The following MACROD2 variants were observed in gnomAD, a reference collection of about 807,000 sequenced individuals.
MACROD2 encodes the protein ADP-ribose glycohydrolase MACROD2.
In MACROD2, 36 loss-of-function variants were observed where a neutral mutation model predicts 70.4. That is an observed-to-expected ratio of 0.51 (90% CI 0.39 to 0.68). The LOEUF is 0.68. MACROD2 is among the 30% of genes least tolerant of loss of function. The probability of loss-of-function intolerance (pLI) is 0.00; values close to 1 mark genes in which losing one functional copy is unlikely to be tolerated. For synonymous variants in MACROD2, 172 were observed against 178.8 expected, an observed-to-expected ratio of 0.96 and a Z score of 0.30; for missense variants, 496 against 538.4, an observed-to-expected ratio of 0.92 and a Z score of 0.78.
chr20:14,902,669 G>A (rs1164034949), intron 5 of MACROD2, among the ~76,000 whole-genome samples: 3 of 152,036 alleles, frequency 2.0e-5, no homozygotes, highest in Non-Finnish European at 4.4e-5. Context: ...GACGTGCTGA[G>A]AAAGACTGAA....
intron 7 of MACROD2, among the ~76,000 whole-genome samples, chr20:15,454,896 A>T (rs2046700897): frequency 6.6e-6 from 1 of 152,152 alleles, no homozygotes. Flanking sequence ...GTGATGGTGG[A>T]TACTTATTAA....
intron 5 of MACROD2, among the ~76,000 whole-genome samples, chr20:14,696,122 A>C (rs1312660914): frequency 3.3e-5 from 5 of 152,182 alleles, no homozygotes; most frequent in Non-Finnish European, 5.9e-5. Context: ...TACCATTATC[A>C]TAGGCAGCAT....
chr20:15,729,467 T>C (rs1201695830), intron 8 of MACROD2, among the ~76,000 whole-genome samples: 1 of 152,190 alleles, frequency 6.6e-6, no homozygotes, highest in East Asian at 1.9e-4. Context: ...GTGATCTGTC[T>C]AATAATGTCA....
chr20:15,436,816 A>AT (rs1177359200), intron 7 of MACROD2, among the ~76,000 whole-genome samples: 2 of 152,182 alleles, frequency 1.3e-5, no homozygotes, highest in African/African-American at 4.8e-5. Context: ...AACTCCCAAC[A>AT]TTTTTGTAAG....
At chr20:14,072,096 C>T (rs1341432189) in intron 2 of MACROD2, among the ~76,000 whole-genome samples, 2 of 152,122 alleles carry the variant, frequency 1.3e-5, no homozygotes, top group Non-Finnish European at 2.9e-5. Flanking sequence ...ATGTTATTTT[C>T]TAGTACTTGG....
At chr20:15,981,783 T>A (rs555762828) in intron 13 of MACROD2, among the ~76,000 whole-genome samples, 8 of 152,272 alleles carry the variant, frequency 5.3e-5, no homozygotes, top group Middle Eastern at 3.4e-3. Flanking sequence ...ATTGTTTTTT[T>A]AATTTTATTT....
intron 5 of MACROD2, among the ~76,000 whole-genome samples, chr20:14,857,890 G>A (rs568899541): frequency 2.0e-5 from 3 of 152,074 alleles, no homozygotes; most frequent in East Asian, 1.9e-4. Flanking sequence ...GTGCGATCTC[G>A]GCTCTCTGCA....
At chr20:15,506,873 C>T (rs1307698510) in intron 8 of MACROD2, among the ~76,000 whole-genome samples, 3 of 152,150 alleles carry the variant, frequency 2.0e-5, no homozygotes, top group African/African-American at 4.8e-5. Flanking sequence ...TCAGGAATGC[C>T]TTTTTATGTC....
chr20:15,918,395 T>A (rs2065351774), intron 10 of MACROD2, among the ~76,000 whole-genome samples: 2 of 152,250 alleles, frequency 1.3e-5, no homozygotes, highest in Admixed American at 1.3e-4. Flanking sequence ...GTATTTATCC[T>A]AACATTTTCA....
intron 3 of MACROD2, among the ~76,000 whole-genome samples, chr20:14,345,231 T>C (rs186913358): frequency 2.6e-5 from 4 of 152,312 alleles, no homozygotes; most frequent in East Asian, 3.9e-4. Flanking sequence ...ATATTTTATA[T>C]ATGAATTAAG....
chr20:15,414,651 G>A (rs1019890378), intron 6 of MACROD2, among the ~76,000 whole-genome samples: 5 of 152,058 alleles, frequency 3.3e-5, no homozygotes, highest in Admixed American at 1.3e-4. Context: ...CCTCTTCCTG[G>A]TTATCCTTAA....
intron 4 of MACROD2, among the ~76,000 whole-genome samples, chr20:14,591,039 C>A (rs528751761): frequency 6.6e-6 from 1 of 152,140 alleles, no homozygotes; most frequent in African/African-American, 2.4e-5. Context: ...ATTTTTCTAC[C>A]ATAGCAGTTA....
chr20:15,657,355 C>T (rs371777168), intron 8 of MACROD2, among the ~76,000 whole-genome samples: 1 of 152,136 alleles, frequency 6.6e-6, no homozygotes, highest in Admixed American at 6.5e-5. Context: ...AAAGAGAAAT[C>T]GAATTCGGCT....
At chr20:14,038,942 A>T (rs1379082732) in intron 2 of MACROD2, among the ~76,000 whole-genome samples, 1 of 152,096 alleles carries the variant, frequency 6.6e-6, no homozygotes, top group African/African-American at 2.4e-5. Context: ...CATTTTTTTA[A>T]GTTGGTAGGA....
chr20:15,466,239 T>C (rs2046886273), intron 7 of MACROD2, among the ~76,000 whole-genome samples: 1 of 152,250 alleles, frequency 6.6e-6, no homozygotes, highest in Non-Finnish European at 1.5e-5. Flanking sequence ...ATTCATTCCA[T>C]AACCATAAAT....
intron 5 of MACROD2, among the ~76,000 whole-genome samples, chr20:14,839,217 C>A (rs910337692): frequency 2.0e-5 from 3 of 151,954 alleles, no homozygotes; most frequent in African/African-American, 7.2e-5. Context: ...CAATAAAATT[C>A]TCTTCCAGGG....
intron 4 of MACROD2, among the ~76,000 whole-genome samples, chr20:14,555,958 T>C (rs1313135929): frequency 2.0e-5 from 3 of 152,084 alleles, no homozygotes; most frequent in Non-Finnish European, 2.9e-5. Flanking sequence ...GCTTGAAATA[T>C]TCTATTGTGT....
chr20:15,210,145 T>TG (rs2076748817), intron 5 of MACROD2, among the ~76,000 whole-genome samples: 1 of 152,218 alleles, frequency 6.6e-6, no homozygotes, highest in African/African-American at 2.4e-5. Context: ...TAGTTTGCAC[T>TG]GAAATATCCA....
intron 3 of MACROD2, among the ~76,000 whole-genome samples, chr20:14,471,565 T>A (rs1437506082): frequency 2.6e-5 from 4 of 152,212 alleles, no homozygotes; most frequent in African/African-American, 9.6e-5. Flanking sequence ...CTTCTGTTAA[T>A]TGATGGCACT....
Sources: allele counts gnomAD v4.1 joint callset (sites outside exome capture counted in the v4.1 genomes callset), GRCh38; gene constraint gnomAD v4.1.1; transcripts MANE v1.5; gene names NCBI Gene and HGNC (gene_info 2026-07-23, HGNC 2026-07-21).